Variants in BMPER observed in about 807,000 individuals in gnomAD.
The protein encoded by BMPER is BMP binding endothelial regulator.
BMPER carries 45 observed loss-of-function variants against 87.3 expected under a neutral mutation model. That is an observed-to-expected ratio of 0.52 (90% CI 0.41 to 0.66). The LOEUF is 0.66. BMPER is among the 30% of genes least tolerant of loss of function. The probability of loss-of-function intolerance (pLI) is 0.00; values close to 1 mark genes in which losing one functional copy is unlikely to be tolerated. For missense variants in BMPER, 784 were observed against 867.5 expected, an observed-to-expected ratio of 0.90 and a Z score of 1.21; for synonymous variants, 326 against 316.2, an observed-to-expected ratio of 1.03 and a Z score of -0.33.
chr7:33,939,137 A>G (rs1258901883), intron 3 of BMPER, among the ~76,000 whole-genome samples: 1 of 152,196 alleles, frequency 6.6e-6, no homozygotes, highest in Admixed American at 6.5e-5. Flanking sequence ...TAATAGAAGT[A>G]TTACTGGTGC....
intron 3 of BMPER, among the ~76,000 whole-genome samples, chr7:33,952,343 A>G (rs182462126): frequency 1.3e-5 from 2 of 152,308 alleles, no homozygotes; most frequent in East Asian, 1.9e-4. Flanking sequence ...CTTATAGTAT[A>G]TTTCACTGTG....
intron 2 of BMPER, among the ~76,000 whole-genome samples, chr7:33,914,540 T>C (rs997894715): frequency 1.2e-4 from 19 of 152,180 alleles, no homozygotes; most frequent in Admixed American, 1.2e-3. Context: ...TTGGGCTTGA[T>C]AGACCTTCAA....
intron 13 of BMPER, among the ~76,000 whole-genome samples, chr7:34,126,255 G>A (rs1047018825): frequency 6.6e-6 from 1 of 152,212 alleles, no homozygotes; most frequent in African/African-American, 2.4e-5. Flanking sequence ...TTAAGGAAAA[G>A]CAGGAAGGCC....
chr7:33,935,432 G>A (rs1370847373), intron 2 of BMPER, among the ~76,000 whole-genome samples: 1 of 152,138 alleles, frequency 6.6e-6, no homozygotes, highest in African/African-American at 2.4e-5. Flanking sequence ...AGCTTCAGGG[G>A]GTGGGAGACC....
At chr7:34,018,350 G>T (rs1328918925) in intron 6 of BMPER, among the ~76,000 whole-genome samples, 2 of 151,850 alleles carry the variant, frequency 1.3e-5, no homozygotes, top group Non-Finnish European at 2.9e-5. Context: ...AAGAGAAGTT[G>T]CCCCTTTAGC....
intron 13 of BMPER, among the ~76,000 whole-genome samples, chr7:34,132,349 C>T (rs556392408): frequency 5.9e-5 from 9 of 152,160 alleles, no homozygotes; most frequent in African/African-American, 2.2e-4. Flanking sequence ...CACCACACCC[C>T]AAAGGCCCCA....
chr7:33,974,360 C>T (rs1188180974), intron 5 of BMPER, among the ~76,000 whole-genome samples: 2 of 152,062 alleles, frequency 1.3e-5, no homozygotes, highest in Admixed American at 1.3e-4. Flanking sequence ...TTCCATCTGC[C>T]TCCTCTGGCC....
At chr7:34,143,479 C>T (rs1790931460) in intron 14 of BMPER, 119 bp downstream of exon 14, 1 of 1,453,580 alleles carries the variant, frequency 6.9e-7, no homozygotes, top group Non-Finnish European at 9.4e-7. Context: ...AGAGGAAAAT[C>T]CCTTCCAGTA....
At chr7:33,933,061 G>A (rs527766242) in intron 2 of BMPER, among the ~76,000 whole-genome samples, 1 of 152,354 alleles carries the variant, frequency 6.6e-6, no homozygotes, top group African/African-American at 2.4e-5. Context: ...TCTCGTGGCA[G>A]ATCTCAGACA....
chr7:34,023,952 G>GA (rs147194640), intron 6 of BMPER, among the ~76,000 whole-genome samples: 4,941 of 150,898 alleles, frequency 0.033, 255 homozygotes, highest in African/African-American at 0.11. Context: ...TGCCAAAGTT[G>GA]AAAAAAAACA....
At chr7:34,099,830 G>C (rs563628777) in intron 13 of BMPER, among the ~76,000 whole-genome samples, 3 of 151,880 alleles carry the variant, frequency 2.0e-5, no homozygotes, top group Non-Finnish European at 2.9e-5. Context: ...TCTTGCTTAA[G>C]ATGTTCTCAA....
At chr7:34,112,180 T>C (rs1328924610) in intron 13 of BMPER, among the ~76,000 whole-genome samples, 1 of 151,852 alleles carries the variant, frequency 6.6e-6, no homozygotes, top group Non-Finnish European at 1.5e-5. Flanking sequence ...GTATTATGAA[T>C]GCTACAGGAA....
At chr7:34,067,452 A>G (rs1788622864) in intron 11 of BMPER, among the ~76,000 whole-genome samples, 1 of 152,190 alleles carries the variant, frequency 6.6e-6, no homozygotes, top group African/African-American at 2.4e-5. Flanking sequence ...ATCTCCACTG[A>G]CAGAGGTTCT....
chr7:33,915,747 A>C (rs1184670321), intron 2 of BMPER, among the ~76,000 whole-genome samples: 1 of 152,222 alleles, frequency 6.6e-6, no homozygotes, highest in African/African-American at 2.4e-5. Flanking sequence ...AGTGTAAATG[A>C]AATTGTTATT....
At chr7:34,035,471 C>T (rs901393660) in intron 6 of BMPER, among the ~76,000 whole-genome samples, 2 of 152,038 alleles carry the variant, frequency 1.3e-5, no homozygotes, top group African/African-American at 2.4e-5. Context: ...CTTATTTTTC[C>T]GTAGTGTGCT....
chr7:34,092,211 C>G (rs766930491), intron 13 of BMPER, among the ~76,000 whole-genome samples: 1 of 152,188 alleles, frequency 6.6e-6, no homozygotes, highest in Admixed American at 6.5e-5. Flanking sequence ...ACCTTTGATG[C>G]TCCAAATGCC....
intron 13 of BMPER, among the ~76,000 whole-genome samples, chr7:34,105,229 A>G (rs1421624105): frequency 6.6e-6 from 1 of 152,202 alleles, no homozygotes; most frequent in Non-Finnish European, 1.5e-5. Context: ...GACGTGCACA[A>G]TGGAAGCTGT....
intron 3 of BMPER, among the ~76,000 whole-genome samples, chr7:33,955,085 CGG>C (rs1785118495): frequency 6.6e-6 from 1 of 152,014 alleles, no homozygotes; most frequent in Non-Finnish European, 1.5e-5. Flanking sequence ...TTAGTAGAGA[CGG>C]GGTTTCTCCA....
intron 6 of BMPER, among the ~76,000 whole-genome samples, chr7:33,988,124 T>G (rs950920173): frequency 6.6e-6 from 1 of 152,236 alleles, no homozygotes; most frequent in Non-Finnish European, 1.5e-5. Context: ...TTTTTCATGC[T>G]GTCATTTTAT....
Sources: allele counts gnomAD v4.1 joint callset (sites outside exome capture counted in the v4.1 genomes callset), GRCh38; gene constraint gnomAD v4.1.1; transcripts MANE v1.5; gene names NCBI Gene and HGNC (gene_info 2026-07-23, HGNC 2026-07-21).